Variants in WNT3A observed in about 807,000 individuals in gnomAD.
WNT3A encodes Wnt family member 3A, also known as protein Wnt-3a.
WNT3A carries 17 observed loss-of-function variants against 37.0 expected under a neutral mutation model. That is an observed-to-expected ratio of 0.46 (90% CI 0.31 to 0.69). WNT3A has a LOEUF of 0.69. Among genes scored for constraint, WNT3A ranks in the 30% least tolerant of loss-of-function variants. The pLI, the probability that WNT3A is intolerant of heterozygous loss-of-function variation, is 0.05. For missense variants in WNT3A, 411 were observed against 510.2 expected, an observed-to-expected ratio of 0.81 and a Z score of 1.87; for synonymous variants, 187 against 211.0, an observed-to-expected ratio of 0.89 and a Z score of 0.99.
chr1:228,047,057 G>A (rs2031437009), intron 2 of WNT3A, among the ~76,000 whole-genome samples: 1 of 152,156 alleles, frequency 6.6e-6, no homozygotes, highest in South Asian at 2.1e-4. Flanking sequence ...AGGGCCACCT[G>A]GGAAGGCCAC....
chr1:228,056,189 A>G (rs1167681332), intron 3 of WNT3A, among the ~76,000 whole-genome samples: 6 of 152,256 alleles, frequency 3.9e-5, no homozygotes, highest in Non-Finnish European at 8.8e-5. Flanking sequence ...GGAACTTCCA[A>G]TAAGATTTTT....
At chr1:228,028,598 ACAGG>A (rs2030913033) in intron 2 of WNT3A, among the ~76,000 whole-genome samples, 1 of 152,168 alleles carries the variant, frequency 6.6e-6, no homozygotes, top group South Asian at 2.1e-4. Context: ...TGCTGGGATT[ACAGG>A]CTTAAGCAAC....
In WNT3A at chr1:228,007,183, A is replaced by T. The variant is rs1314260795; in HGVS notation, c.55A>T (p.Ser19Cys). 6.2e-7 allele frequency: 1 copy of T among 1,600,830 alleles called. No homozygotes were observed. The highest frequency in any genetic ancestry group is 1.4e-5 in the African/African-American group (1 of 73,828). ...CTGCAGCCTGAAGCAGGCTCTGGGC[A>T]GCTACCCGATCTGGTGGTGAGTGAG... ...LLCSLKQALG[S>C]YPIWWSLAVG... The change falls in exon 1 of 4, where the codon AGC (serine) becomes TGC (cysteine). Residue 19 changes from serine (S) to cysteine (C), a missense_variant. By Grantham distance (112) the Ser-to-Cys change is moderately radical. Coordinates refer to ENST00000284523, the MANE Select transcript of WNT3A (RefSeq NM_033131.4). This position sits in a 1 kb window ranked among gnomAD's most constrained non-coding sequence, Gnocchi z 6.0.
intron 2 of WNT3A, among the ~76,000 whole-genome samples, chr1:228,041,076 T>C (rs1222020678): frequency 6.7e-6 from 1 of 149,916 alleles, no homozygotes; most frequent in Non-Finnish European, 1.5e-5. Flanking sequence ...TCTATATCTT[T>C]TCCTGTCTCA....
In WNT3A at chr1:228,042,147, T is replaced by G. The variant is rs911174749; in HGVS notation, c.314-8509T>G. ...GTGCACGCCACCATGCCCCGCTGAT[T>G]TTTGTATTTTTAGTAGAGACGGGGT... On this transcript the variant is annotated intron_variant, in intron 2 of 3. Coordinates refer to ENST00000284523, the MANE Select transcript of WNT3A (RefSeq NM_033131.4). This position sits in a 1 kb window ranked among gnomAD's most constrained non-coding sequence, Gnocchi z 5.2. 6.6e-6 allele frequency among the ~76,000 whole-genome samples: 1 copy of G among 152,064 alleles called. No individual in the cohort carries two copies. Among genetic ancestry groups the G allele is most frequent in the African/African-American group, 2.4e-5 (1 of 41,402 alleles).
rs1018143771 is a variant in WNT3A, at chr1:228,037,543, G to A, written c.314-13113G>A. ...TCCCCTGCCTATGAGGGCCGGCACA[G>A]GGGTGGGGCCTGCCTGCTAGGACAT... is the stretch of plus-strand genomic sequence containing the variant. On this transcript the variant is annotated intron_variant, in intron 2 of 3. Coordinates refer to ENST00000284523, the MANE Select transcript of WNT3A (RefSeq NM_033131.4). The surrounding 1 kb of genome is among the most constrained non-coding windows in gnomAD (Gnocchi z 4.1). Among the ~76,000 whole-genome samples, 4 of 151,768 alleles carry A rather than the reference G, an allele frequency of 2.6e-5. No individual in the cohort carries two copies. The highest frequency in any genetic ancestry group is 1.3e-4 in the Admixed American group (2 of 15,268).
intron 2 of WNT3A, among the ~76,000 whole-genome samples, chr1:228,046,342 CATGT>C (rs1348566489): frequency 6.7e-6 from 1 of 149,532 alleles, no homozygotes; most frequent in Non-Finnish European, 1.5e-5. Context: ...TGTGTGCATG[CATGT>C]GTTTGTGTGT....
chr1:228,020,802 C>T (rs1474669913), intron 1 of WNT3A, among the ~76,000 whole-genome samples: 2 of 151,922 alleles, frequency 1.3e-5, no homozygotes, highest in African/African-American at 4.8e-5. Context: ...GGGTCTGGCG[C>T]GAGGTTATGC....
chr1:228,018,663 A>C (rs904081842), intron 1 of WNT3A, among the ~76,000 whole-genome samples: 1 of 152,172 alleles, frequency 6.6e-6, no homozygotes, highest in African/African-American at 2.4e-5. Context: ...AAGTGCTGAG[A>C]TTACAGGCAT....
Position 228,059,596 on chromosome 1 carries a change from G to C in WNT3A, c.*131G>C. 1 of 1,388,414 alleles carries C rather than the reference G, an allele frequency of 7.2e-7. No individual in the cohort carries two copies. The allele number at this position is 1,388,414 out of a possible 1,614,324, so 86.0% of individuals were successfully genotyped here. On this transcript the variant is annotated 3_prime_UTR_variant, in exon 4 of 4. Transcript: ENST00000284523. ...GGGCGGGACTCCTCCCTGGGGGTGG[G>C]GCTCCTACCTGGGGGCAGAACTCCT...
At chr1:228,027,906 G>C (rs1184644537) in intron 2 of WNT3A, among the ~76,000 whole-genome samples, 2 of 152,146 alleles carry the variant, frequency 1.3e-5, no homozygotes, top group Non-Finnish European at 2.9e-5. Context: ...TATAGTTTCA[G>C]GTCTTAGATT....
chr1:228,040,840 C>A (rs925886661), intron 2 of WNT3A, among the ~76,000 whole-genome samples: 1 of 148,322 alleles, frequency 6.7e-6, no homozygotes, highest in Non-Finnish European at 1.5e-5. Context: ...GAGCCGAGAT[C>A]GCGCCACTGC....
chr1:228,048,590 G>C (rs2031477162), intron 2 of WNT3A, among the ~76,000 whole-genome samples: 1 of 152,134 alleles, frequency 6.6e-6, no homozygotes, highest in Non-Finnish European at 1.5e-5. Flanking sequence ...TTTGAGACAG[G>C]TTCTCACTCT....
chr1:228,023,422 A>C (rs778957710), intron 2 of WNT3A, among the ~76,000 whole-genome samples: 5 of 151,736 alleles, frequency 3.3e-5, no homozygotes, highest in Non-Finnish European at 5.9e-5. Context: ...GAGACAGAGA[A>C]AGACACACAC....
chr1:228,009,897 C>A (rs1054384310), intron 1 of WNT3A, among the ~76,000 whole-genome samples: 1 of 152,130 alleles, frequency 6.6e-6, no homozygotes, highest in Non-Finnish European at 1.5e-5. Context: ...CAAGGCTGAG[C>A]GGGTCTGAAA....
At chr1:228,023,029 G>A (rs2030759063) in intron 2 of WNT3A, 121 bp downstream of exon 2, 2 of 1,440,532 alleles carry the variant, frequency 1.4e-6, no homozygotes, top group Admixed American at 4.7e-5. Flanking sequence ...CGGACGCTGG[G>A]GTCCTTCCCG....
Position 228,042,898 on chromosome 1 carries a change from T to C in WNT3A, c.314-7758T>C, listed in dbSNP as rs1452633099. On this transcript the variant is annotated intron_variant, in intron 2 of 3. Coordinates refer to ENST00000284523, the MANE Select transcript of WNT3A (RefSeq NM_033131.4). This position sits in a 1 kb window ranked among gnomAD's most constrained non-coding sequence, Gnocchi z 5.2. ...ATGGGTGGTGGATGGTGGATGATTG[T>C]ACATGATGGATAGTAGATATATGGA... Among the ~76,000 whole-genome samples the C allele has an allele frequency of 6.6e-6, 1 of 151,476 alleles. No homozygotes were observed. Among genetic ancestry groups the C allele is most frequent in the East Asian group, 2.0e-4 (1 of 5,116 alleles).
intron 1 of WNT3A, among the ~76,000 whole-genome samples, chr1:228,010,792 C>T (rs1286276524): frequency 6.6e-6 from 1 of 152,242 alleles, no homozygotes; most frequent in African/African-American, 2.4e-5. Context: ...TCCCTCACAT[C>T]CCTCTGGGCC....
In WNT3A at chr1:228,031,571, T is replaced by C. The variant is rs74143619; in HGVS notation, c.313+8663T>C. Among the ~76,000 whole-genome samples, 2,886 of 152,100 alleles carry C rather than the reference T, an allele frequency of 0.019. 110 individuals are homozygous for C. Among genetic ancestry groups the C allele is most frequent in the African/African-American group, 0.066 (2,741 of 41,490 alleles). ...GTGATGTGTCATGTGTGCACATGCA[T>C]GTGGTGTGTGGGGTGTGTGCCTGTG... On this transcript the variant is annotated intron_variant, in intron 2 of 3. Coordinates refer to ENST00000284523, the MANE Select transcript of WNT3A (RefSeq NM_033131.4). This position sits in a 1 kb window ranked among gnomAD's most constrained non-coding sequence, Gnocchi z 4.8.
Sources: gnomAD v4.1 joint callset for allele counts (sites outside exome capture counted in the v4.1 genomes callset) on GRCh38, gnomAD v4.1.1 for gene constraint, Gnocchi (gnomAD v3.1) non-coding constraint, MANE v1.5 for transcripts, NCBI Gene and HGNC (gene_info 2026-07-23, HGNC 2026-07-21) for gene names.